Variants in PRKCH observed in about 807,000 individuals in gnomAD.
PRKCH encodes protein kinase C eta type.
A neutral mutation model predicts 82.5 loss-of-function variants in PRKCH; 28 were observed. The observed-to-expected ratio is 0.34, with a 90% CI of 0.25 to 0.47. The LOEUF (loss-of-function observed/expected upper bound fraction) is 0.47, where lower values mean the gene tolerates loss of function less well. Among genes scored for constraint, PRKCH ranks in the 20% least tolerant of loss-of-function variants. PRKCH has a pLI of 1.00. For synonymous variants in PRKCH, 322 were observed against 327.4 expected (o/e 0.98, Z 0.18); for missense variants, 705 against 881.8 (o/e 0.80, Z 2.54).
chr14:61,527,983 A>T (rs1365960432), intron 10 of PRKCH: 1 of 152,138 alleles, frequency 6.6e-6, no homozygotes, highest in Non-Finnish European at 1.5e-5. Context: ...TCCCACTAGA[A>T]GGAATTGTTC....
intron 1 of PRKCH, among the ~76,000 whole-genome samples, chr14:61,389,890 A>C (rs747444960): frequency 1.9e-4 from 29 of 152,116 alleles, no homozygotes; most frequent in Admixed American, 4.6e-4. Context: ...TTTGCAGCTT[A>C]TTTTAAATTT....
At chr14:61,323,962 G>A (rs1175550177) in intron 1 of PRKCH, among the ~76,000 whole-genome samples, 1 of 152,228 alleles carries the variant, frequency 6.6e-6, no homozygotes, top group Non-Finnish European at 1.5e-5. Context: ...CAGTGGCCAT[G>A]AGAAGCATCT....
chr14:61,449,124 G>C, intron 4 of PRKCH, 40 bp from the exon 5 acceptor site: 3 of 1,581,060 alleles, frequency 1.9e-6, no homozygotes, highest in Non-Finnish European at 2.6e-6. Context: ...TGGACTGTGA[G>C]CTTCTGATAA....
chr14:61,228,860 G>A (rs2140057780), intron 1 of PRKCH, among the ~76,000 whole-genome samples: 1 of 151,920 alleles, frequency 6.6e-6, no homozygotes, highest in East Asian at 1.9e-4. Flanking sequence ...GGGCAACATA[G>A]TGAGATCCTC....
chr14:61,504,621 CT>C (rs1887058905), intron 10 of PRKCH, among the ~76,000 whole-genome samples: 1 of 152,168 alleles, frequency 6.6e-6, no homozygotes, highest in Admixed American at 6.5e-5. Flanking sequence ...AGGGGTCCCT[CT>C]GTAGGAGGGG....
intron 9 of PRKCH, among the ~76,000 whole-genome samples, chr14:61,464,492 G>A (rs537632614): frequency 6.6e-6 from 1 of 152,024 alleles, no homozygotes. Context: ...CCTATCAACT[G>A]GTCATCCAGG....
At chr14:61,380,126 G>A (rs1417167178) in intron 1 of PRKCH, among the ~76,000 whole-genome samples, 1 of 151,966 alleles carries the variant, frequency 6.6e-6, no homozygotes, top group Non-Finnish European at 1.5e-5. Context: ...TGTTGGAATC[G>A]TGGTTCATTG....
intron 1 of PRKCH, among the ~76,000 whole-genome samples, chr14:61,294,956 T>G (rs1045444387): frequency 6.6e-6 from 1 of 152,180 alleles, no homozygotes; most frequent in Admixed American, 6.5e-5. Context: ...CACTGCAACC[T>G]GCACCTCCCG....
In PRKCH at chr14:61,469,774, C is replaced by T. The variant is rs142541667; in HGVS notation, c.1278+12095C>T. Among the ~76,000 whole-genome samples, 25 of 152,318 alleles carry T rather than the reference C, an allele frequency of 1.6e-4. No homozygotes were observed. In the East Asian group the frequency reaches 4.8e-3, roughly 29 times the overall value. On this transcript the variant is annotated intron_variant, in intron 9 of 13. Transcript: ENST00000332981. Reference sequence around the variant, plus strand: ...TCATGAGCAGAAACAGCCATGTCAACATAAAGTTAGCAGACTCGTCGTGTA... The same window carrying T: ...TCATGAGCAGAAACAGCCATGTCAATATAAAGTTAGCAGACTCGTCGTGTA...
At chr14:61,466,818 G>T (rs912617) in intron 9 of PRKCH, among the ~76,000 whole-genome samples, 127,811 of 152,146 alleles carry the variant, frequency 0.84, 55,163 homozygotes, top group Non-Finnish European at 0.94. Context: ...CTGCTGGGGC[G>T]TCTTTACGAT....
Position 61,322,482 on chromosome 14 carries a change from C to T in PRKCH, c.363+18C>T, listed in dbSNP as rs749907687. ...AGGGTTGGGTGAGTAGCGGTGACCC[C>T]TTCCCTTTGTGTCCACCCAACCCCC... On this transcript the variant is annotated intron_variant, in intron 1 of 13. Transcript: ENST00000332981. 40 of 1,580,796 alleles carry T rather than the reference C, an allele frequency of 2.5e-5. No individual in the cohort carries two copies. Among genetic ancestry groups the T allele is most frequent in the Non-Finnish European group, 3.4e-5 (39 of 1,156,042 alleles).
intron 2 of PRKCH, among the ~76,000 whole-genome samples, chr14:61,403,897 G>T (rs1435939541): frequency 6.6e-6 from 1 of 152,100 alleles, no homozygotes; most frequent in African/African-American, 2.4e-5. Flanking sequence ...TGAGGTTTGG[G>T]TAAAACAAGA....
At chr14:61,258,851 C>G (rs983601402) in intron 1 of PRKCH, among the ~76,000 whole-genome samples, 1 of 152,212 alleles carries the variant, frequency 6.6e-6, no homozygotes, top group African/African-American at 2.4e-5. Context: ...TTTTAACCCA[C>G]AAACTACTCA....
intron 1 of PRKCH, among the ~76,000 whole-genome samples, chr14:61,315,461 G>A (rs2045554976): frequency 6.6e-6 from 1 of 152,158 alleles, no homozygotes; most frequent in Non-Finnish European, 1.5e-5. Flanking sequence ...AGGATCAAAT[G>A]AATAATGTTT....
At chr14:61,482,239 T>G (rs1487183884) in intron 9 of PRKCH, among the ~76,000 whole-genome samples, 1 of 152,072 alleles carries the variant, frequency 6.6e-6, no homozygotes, top group Non-Finnish European at 1.5e-5. Context: ...TCGAGTGATC[T>G]GCCCGCCTCA....
At chr14:61,494,867 C>G (rs1417489811) in intron 10 of PRKCH, among the ~76,000 whole-genome samples, 1 of 152,182 alleles carries the variant, frequency 6.6e-6, no homozygotes, top group Non-Finnish European at 1.5e-5. Flanking sequence ...AAATCATTTT[C>G]TCTGTATTTT....
chr14:61,388,213 T>C (rs1485951698), intron 1 of PRKCH, among the ~76,000 whole-genome samples: 1 of 151,820 alleles, frequency 6.6e-6, no homozygotes, highest in Non-Finnish European at 1.5e-5. Flanking sequence ...TGCTTTCATG[T>C]CTCTCTAAAA....
chr14:61,390,846 G>T, intron 1 of PRKCH: 1 of 184,054 alleles, frequency 5.4e-6, no homozygotes, highest in Non-Finnish European at 1.1e-5. Context: ...CTTGTATGTT[G>T]CCGTTATTTC....
intron 9 of PRKCH, among the ~76,000 whole-genome samples, chr14:61,482,629 A>C (rs530035877): frequency 1.6e-3 from 238 of 152,006 alleles, no homozygotes; most frequent in Middle Eastern, 3.4e-3. Context: ...TGTGAATTAC[A>C]CTCTGTGTTC....
Sources: allele counts gnomAD v4.1 joint callset (sites outside exome capture counted in the v4.1 genomes callset), GRCh38; gene constraint gnomAD v4.1.1; transcripts MANE v1.5; gene names NCBI Gene and HGNC (gene_info 2026-07-23, HGNC 2026-07-21).